The following AFF3 variants were observed in gnomAD, a reference collection of about 807,000 sequenced individuals.
AFF3 encodes the protein AF4/FMR2 family member 3.
AFF3 carries 32 observed loss-of-function variants against 129.7 expected under a neutral mutation model. The ratio of observed to expected loss-of-function variants is 0.25; its 90% CI spans 0.19 to 0.33. The LOEUF is 0.33. Among genes scored for constraint, AFF3 ranks in the 10% least tolerant of loss-of-function variants. The probability of loss-of-function intolerance (pLI) is 1.00; values close to 1 mark genes in which losing one functional copy is unlikely to be tolerated. For synonymous variants in AFF3, 644 were observed against 635.4 expected (o/e 1.01, Z -0.20); for missense variants, 1,373 against 1,592.0 (o/e 0.86, Z 2.34).
At chr2:99,939,179 C>A (rs1383001267) in intron 7 of AFF3, among the ~76,000 whole-genome samples, 2 of 152,170 alleles carry the variant, frequency 1.3e-5, no homozygotes, top group African/African-American at 4.8e-5. Flanking sequence ...ATATCACAAA[C>A]AAGATTTCTG....
chr2:99,702,296 T>C (rs1375392725), intron 11 of AFF3, among the ~76,000 whole-genome samples: 1 of 152,190 alleles, frequency 6.6e-6, no homozygotes, highest in Non-Finnish European at 1.5e-5. Flanking sequence ...TTAGACATTC[T>C]GGTAGGTATG....
chr2:100,131,278 G>A (rs959299139), intron 1 of AFF3, among the ~76,000 whole-genome samples: 13 of 152,042 alleles, frequency 8.6e-5, no homozygotes, highest in African/African-American at 2.7e-4. Flanking sequence ...TGCAGTTTTC[G>A]TGGGAGAGGC....
At chr2:99,687,700 T>C (rs1490782239) in intron 11 of AFF3, among the ~76,000 whole-genome samples, 1 of 152,208 alleles carries the variant, frequency 6.6e-6, no homozygotes, top group African/African-American at 2.4e-5. Flanking sequence ...TTTATAAATA[T>C]GCTTTTATAG....
chr2:99,649,509 A>G (rs1354428966), intron 13 of AFF3, 117 bp downstream of exon 13: 18 of 1,142,282 alleles, frequency 1.6e-5, no homozygotes, highest in Non-Finnish European at 2.3e-5. Flanking sequence ...AAAATGTTTA[A>G]CATCCCAGTT....
chr2:100,030,132 TACC>T (rs761323250), intron 4 of AFF3, among the ~76,000 whole-genome samples: 17 of 151,940 alleles, frequency 1.1e-4, no homozygotes, highest in East Asian at 5.8e-4. Context: ...TATATATATT[TACC>T]ACAATTTTTT....
At chr2:99,972,349 C>G (rs917088463) in intron 7 of AFF3, among the ~76,000 whole-genome samples, 2 of 152,228 alleles carry the variant, frequency 1.3e-5, no homozygotes. Flanking sequence ...ATATTCACAG[C>G]TGCTACAGTT....
At chr2:99,923,582 G>C (rs1168929675) in intron 7 of AFF3, among the ~76,000 whole-genome samples, 1 of 152,292 alleles carries the variant, frequency 6.6e-6, no homozygotes, top group East Asian at 1.9e-4. Context: ...TGGATGTAGA[G>C]TGAGGTCCAA....
chr2:99,554,844 A>G lies in AFF3; in HGVS notation c.3286-112T>C. Reference sequence around the variant, plus strand: ...GAGAAGCAAAGGCAGACACTGCAGGAAAAAGGCACCTTCAGAGAAACTGGA... The same window carrying G: ...GAGAAGCAAAGGCAGACACTGCAGGGAAAAGGCACCTTCAGAGAAACTGGA... On this transcript the variant is annotated intron_variant, in intron 22 of 24. Coordinates refer to ENST00000672756, the MANE Select transcript of AFF3 (RefSeq NM_001386135.1). The G allele has an allele frequency of 2.5e-6, 3 of 1,196,936 alleles. No individual in the cohort carries two copies. In the South Asian group the frequency reaches 3.9e-5, roughly 16 times the overall value. 74.1% of individuals were successfully genotyped at this position (1,196,936 alleles called of 1,614,324 possible). A position where few individuals can be genotyped will look rare whatever the true frequency, so the allele number is the denominator to read the frequency against.
At chr2:99,848,551 G>A (rs1689905030) in intron 7 of AFF3, among the ~76,000 whole-genome samples, 1 of 152,078 alleles carries the variant, frequency 6.6e-6, no homozygotes, top group Non-Finnish European at 1.5e-5. Context: ...CTTTCCAATG[G>A]AGAAAAGTTT....
chr2:99,628,813 C>T (rs533037666), intron 13 of AFF3, among the ~76,000 whole-genome samples: 6 of 145,460 alleles, frequency 4.1e-5, no homozygotes, highest in Non-Finnish European at 7.5e-5. Flanking sequence ...CTCTGCCTCC[C>T]GTGTTCAAGC....
intron 13 of AFF3, among the ~76,000 whole-genome samples, chr2:99,612,483 T>C (rs1271542433): frequency 2.0e-5 from 3 of 152,164 alleles, no homozygotes; most frequent in African/African-American, 4.8e-5. Context: ...GTGAGAAAAA[T>C]GACTCAAATG....
At chr2:99,762,123 C>T (rs1352402579) in intron 8 of AFF3, among the ~76,000 whole-genome samples, 2 of 148,994 alleles carry the variant, frequency 1.3e-5, no homozygotes, top group African/African-American at 5.1e-5. Flanking sequence ...TAATCAATGC[C>T]ACTTTTTTTT....
At chr2:99,576,437 G>C (rs1347601207) in intron 18 of AFF3, among the ~76,000 whole-genome samples, 2 of 148,884 alleles carry the variant, frequency 1.3e-5, no homozygotes, top group South Asian at 4.2e-4. Context: ...GATAGCGTAA[G>C]CCCAGGAGTT....
intron 8 of AFF3, among the ~76,000 whole-genome samples, chr2:99,813,610 TA>T (rs1490747639): frequency 6.6e-6 from 1 of 151,972 alleles, no homozygotes; most frequent in Non-Finnish European, 1.5e-5. Flanking sequence ...AAAAGGCAAA[TA>T]AAAAATATGA....
chr2:99,907,865 T>C (rs1694828467), intron 7 of AFF3, among the ~76,000 whole-genome samples: 1 of 152,200 alleles, frequency 6.6e-6, no homozygotes, highest in African/African-American at 2.4e-5. Context: ...CACTGTATCC[T>C]TTTTGTCCCA....
intron 7 of AFF3, among the ~76,000 whole-genome samples, chr2:99,901,282 T>C (rs1694325173): frequency 6.6e-6 from 1 of 152,214 alleles, no homozygotes; most frequent in Non-Finnish European, 1.5e-5. Flanking sequence ...GCTCTTTCTC[T>C]ACCATGGATC....
chr2:100,135,797 A>G (rs1692616502), intron 1 of AFF3, among the ~76,000 whole-genome samples: 2 of 152,230 alleles, frequency 1.3e-5, no homozygotes, highest in Non-Finnish European at 2.9e-5. Flanking sequence ...GCTCTGCGCT[A>G]AGAACAGTGT....
chr2:99,601,416 T>C lies in AFF3; in HGVS notation c.1371+19A>G, dbSNP rs1163120380. ...GACAGAAGTGGGCAGAGGAGAGGCCTGAGCCAGGCAGCGCTTACCTCGGGG... is the reference window on the plus strand; with the variant it reads ...GACAGAAGTGGGCAGAGGAGAGGCCCGAGCCAGGCAGCGCTTACCTCGGGG... On this transcript the variant is annotated intron_variant, in intron 14 of 24. Transcript: ENST00000672756. The C allele has an allele frequency of 2.5e-6, 4 of 1,582,218 alleles. No homozygotes were observed. Among genetic ancestry groups the C allele is most frequent in the Middle Eastern group, 1.7e-4 (1 of 5,910 alleles).
chr2:99,917,129 G>A (rs1695525469), intron 7 of AFF3, among the ~76,000 whole-genome samples: 1 of 152,188 alleles, frequency 6.6e-6, no homozygotes, highest in Non-Finnish European at 1.5e-5. Context: ...GTTTAATAAA[G>A]GGACTATTTG....
Sources: allele counts gnomAD v4.1 joint callset (sites outside exome capture counted in the v4.1 genomes callset), GRCh38; gene constraint gnomAD v4.1.1; transcripts MANE v1.5; gene names NCBI Gene and HGNC (gene_info 2026-07-23, HGNC 2026-07-21).